Variants in SUPT3H observed in about 807,000 individuals in gnomAD.
SUPT3H encodes the protein SPT3 homolog, SAGA and STAGA complex component.
A neutral mutation model predicts 44.3 loss-of-function variants in SUPT3H; 44 were observed. The ratio of observed to expected loss-of-function variants is 0.99; its 90% confidence interval spans 0.78 to 1.28. The LOEUF (loss-of-function observed/expected upper bound fraction) is 1.28, where lower values mean the gene tolerates loss of function less well. Among genes scored for constraint, SUPT3H ranks in the 50% most tolerant of loss-of-function variants. The pLI is 0.00. For missense variants in SUPT3H, 380 were observed against 387.1 expected (o/e 0.98, Z 0.15); for synonymous variants, 124 against 125.6 (o/e 0.99, Z 0.09).
At chr6:45,032,852 T>G (rs963189742) in intron 3 of SUPT3H, among the ~76,000 whole-genome samples, 14 of 152,114 alleles carry the variant, frequency 9.2e-5, no homozygotes, top group African/African-American at 3.4e-4. Flanking sequence ...GCGGCTTCCT[T>G]TCTACTAGGA....
Position 45,272,054 on chromosome 6 carries a change from T to C in SUPT3H, c.101+93147A>G, listed in dbSNP as rs148480661. Reference sequence around the variant, plus strand: ...TTTACCCAATGATGTACTCCCATTGTATCTAGGAAGTAACAAACTTGCTTT... The same window carrying C: ...TTTACCCAATGATGTACTCCCATTGCATCTAGGAAGTAACAAACTTGCTTT... On this transcript the variant is annotated intron_variant, in intron 2 of 10. Transcript: ENST00000371459. Among the ~76,000 whole-genome samples, 110 of 152,330 alleles carry C rather than the reference T, an allele frequency of 7.2e-4. 1 individual carries two copies. The East Asian group carries it at 0.016, about 23-fold the overall frequency.
At chr6:45,270,599 G>A (rs1189666490) in intron 2 of SUPT3H, among the ~76,000 whole-genome samples, 1 of 152,230 alleles carries the variant, frequency 6.6e-6, no homozygotes, top group Non-Finnish European at 1.5e-5. Context: ...GGAACTGTAA[G>A]TCTAATTAAA....
chr6:44,918,138 C>A (rs897453942), intron 10 of SUPT3H, among the ~76,000 whole-genome samples: 3 of 152,048 alleles, frequency 2.0e-5, no homozygotes, highest in Admixed American at 6.6e-5. Flanking sequence ...AAATATGAAT[C>A]CCCTTGAAAC....
intron 2 of SUPT3H, among the ~76,000 whole-genome samples, chr6:45,299,140 G>A (rs929626802): frequency 1.3e-5 from 2 of 151,776 alleles, no homozygotes; most frequent in African/African-American, 4.8e-5. Flanking sequence ...GAGGTCAGGA[G>A]TTCGAAACCA....
intron 6 of SUPT3H, among the ~76,000 whole-genome samples, chr6:44,972,482 C>A (rs188953986): frequency 6.6e-6 from 1 of 152,240 alleles, no homozygotes; most frequent in African/African-American, 2.4e-5. Context: ...TGAGTATCTG[C>A]GGCTTTTCCA....
At chr6:45,014,365 A>G (rs1783932894) in intron 5 of SUPT3H, among the ~76,000 whole-genome samples, 2 of 152,132 alleles carry the variant, frequency 1.3e-5, no homozygotes, top group African/African-American at 4.8e-5. Flanking sequence ...GCAGGTATCA[A>G]GTGCTTTTCA....
intron 2 of SUPT3H, among the ~76,000 whole-genome samples, chr6:45,279,978 C>A (rs1431439544): frequency 6.6e-6 from 1 of 152,140 alleles, no homozygotes; most frequent in Non-Finnish European, 1.5e-5. Flanking sequence ...ATTTAGTTGA[C>A]AAGAACAACA....
At chr6:45,187,101 T>TAAAAAAAA (rs70996308) in intron 2 of SUPT3H, among the ~76,000 whole-genome samples, 2 of 79,840 alleles carry the variant, frequency 2.5e-5, no homozygotes, top group African/African-American at 9.3e-5. Flanking sequence ...TTTTCGCCTT[T>TAAAAAAAA]AAAAAAAAAA....
chr6:45,305,762 C>T (rs1468273183), intron 2 of SUPT3H, among the ~76,000 whole-genome samples: 2 of 152,202 alleles, frequency 1.3e-5, no homozygotes, highest in African/African-American at 2.4e-5. Context: ...CCTGCCCCAA[C>T]CCCAGAACTG....
intron 10 of SUPT3H, among the ~76,000 whole-genome samples, chr6:44,851,752 T>TTAG (rs1336439858): frequency 1.1e-4 from 17 of 152,224 alleles, no homozygotes; most frequent in Admixed American, 3.9e-4. Context: ...GGTTATGAAA[T>TTAG]ACTAGAGTGC....
intron 2 of SUPT3H, among the ~76,000 whole-genome samples, chr6:45,155,226 T>C (rs1807621396): frequency 1.3e-5 from 2 of 152,258 alleles, no homozygotes; most frequent in South Asian, 2.1e-4. Context: ...TACAATGAAT[T>C]GTAACGAAGT....
Position 45,106,023 on chromosome 6 carries a change from AACACACCAATATTAAGGACTATAAAACT to A in SUPT3H, c.102-45_102-18del, listed in dbSNP as rs1372075939. ...AAAGAATACCTGCAAAATAATTTTA[AACACACCAATATTAAGGACTATAAAACT>A]AAGAAAGGCAAAAAGTGAAACATTT... On this transcript the variant is annotated intron_variant, in intron 2 of 10. Coordinates refer to ENST00000371459, the MANE Select transcript of SUPT3H (RefSeq NM_003599.4). 1 of 1,593,046 alleles carries A rather than the reference AACACACCAATATTAAGGACTATAAAACT, an allele frequency of 6.3e-7. No individual in the cohort carries two copies. The highest frequency in any genetic ancestry group is 8.6e-7 in the Non-Finnish European group (1 of 1,161,482).
rs527896164 is a variant in SUPT3H, at chr6:45,341,342, G to A, written c.101+23859C>T. 4.6e-5 allele frequency among the ~76,000 whole-genome samples: 7 copies of A among 152,238 alleles called. No individual in the cohort carries two copies. In the East Asian group the frequency reaches 7.7e-4, roughly 17 times the overall value. ...TATTTTGCAAAGATAAAGCACTAAG[G>A]AAAAGAGAAAAGCTGTTTGGGGATC... On this transcript the variant is annotated intron_variant, in intron 2 of 10. Transcript: ENST00000371459.
intron 2 of SUPT3H, among the ~76,000 whole-genome samples, chr6:45,180,702 T>C (rs1812992492): frequency 6.6e-6 from 1 of 152,092 alleles, no homozygotes; most frequent in African/African-American, 2.4e-5. Flanking sequence ...CCTTACACCT[T>C]ATACAAAAAT....
At chr6:44,934,502 G>A (rs977724053) in intron 9 of SUPT3H, among the ~76,000 whole-genome samples, 2 of 152,154 alleles carry the variant, frequency 1.3e-5, no homozygotes, top group Non-Finnish European at 2.9e-5. Context: ...TGAAGTAGGA[G>A]GTTTACTATG....
chr6:45,101,380 G>A (rs1304869262), intron 3 of SUPT3H, among the ~76,000 whole-genome samples: 2 of 152,192 alleles, frequency 1.3e-5, no homozygotes, highest in Non-Finnish European at 2.9e-5. Flanking sequence ...AGCCGAGATC[G>A]TGCCATTGCA....
At chr6:45,255,418 G>GTTTTTTTT (rs11394172) in intron 2 of SUPT3H, among the ~76,000 whole-genome samples, 2 of 116,234 alleles carry the variant, frequency 1.7e-5, no homozygotes, top group African/African-American at 6.7e-5. Context: ...CCTATAATAG[G>GTTTTTTTT]TTTTTTTTTT....
chr6:45,172,420 T>C (rs962747478), intron 2 of SUPT3H, among the ~76,000 whole-genome samples: 1 of 152,036 alleles, frequency 6.6e-6, no homozygotes, highest in Admixed American at 6.6e-5. Context: ...TTATCCTCTA[T>C]TTATCTCTAA....
At chr6:45,179,543 C>T (rs1487767686) in intron 2 of SUPT3H, among the ~76,000 whole-genome samples, 1 of 152,148 alleles carries the variant, frequency 6.6e-6, no homozygotes, top group Non-Finnish European at 1.5e-5. Context: ...ATCAAGTGGG[C>T]TTCATCCCTG....
Sources: allele counts gnomAD v4.1 joint callset (sites outside exome capture counted in the v4.1 genomes callset), GRCh38; gene constraint gnomAD v4.1.1; transcripts MANE v1.5; gene names NCBI Gene and HGNC (gene_info 2026-07-23, HGNC 2026-07-21).